Variants in STK32B observed in about 807,000 individuals in gnomAD.
STK32B encodes serine/threonine kinase 32B, also known as serine/threonine-protein kinase 32B.
A neutral mutation model predicts 52.6 loss-of-function variants in STK32B; 43 were observed. That is an observed-to-expected ratio of 0.82 (90% CI 0.64 to 1.05). STK32B has a LOEUF of 1.05. Among genes scored for constraint, STK32B ranks in the 50% least tolerant of loss-of-function variants. The pLI, the probability that STK32B is intolerant of heterozygous loss-of-function variation, is 0.00. For synonymous variants in STK32B, 238 were observed against 204.3 expected (o/e 1.17, Z -1.41); for missense variants, 621 against 534.6 (o/e 1.16, Z -1.59).
intron 2 of STK32B, among the ~76,000 whole-genome samples, chr4:5,149,772 G>T (rs1213925921): frequency 1.3e-5 from 2 of 151,658 alleles, no homozygotes; most frequent in Non-Finnish European, 3.0e-5. Flanking sequence ...TTAGGTGTAA[G>T]ATTTTGCTGT....
Position 5,456,837 on chromosome 4 carries a change from A to G in STK32B, c.697A>G (p.Ile233Val), listed in dbSNP as rs200308383. The G allele has an allele frequency of 5.8e-5, 92 of 1,596,978 alleles. No individual in the cohort carries two copies. The highest frequency in any genetic ancestry group is 5.6e-4 in the South Asian group (49 of 87,548). ...GTACGAAATCCACTCGGTCACGCCC[A>G]TCGATGAAATCCTCAACATGTTCAA... ...RPYEIHSVTP[I>V]DEILNMFKVE... Residue 233 changes from isoleucine (I) to valine (V), a missense_variant, in exon 8 of 12, where the codon ATC becomes GTC. Coordinates refer to ENST00000282908, the MANE Select transcript of STK32B (RefSeq NM_018401.3).
intron 5 of STK32B, among the ~76,000 whole-genome samples, chr4:5,412,183 A>G (rs978781642): frequency 2.0e-5 from 3 of 152,142 alleles, no homozygotes; most frequent in African/African-American, 7.2e-5. Context: ...ATTTGTATTA[A>G]TGGGTCATAC....
chr4:5,159,605 A>G (rs1718205147), intron 2 of STK32B, among the ~76,000 whole-genome samples: 2 of 107,504 alleles, frequency 1.9e-5, no homozygotes, highest in African/African-American at 9.5e-5. Flanking sequence ...ATGAATATAT[A>G]TATGAATATA....
At chr4:5,241,653 G>C (rs1283274246) in intron 3 of STK32B, among the ~76,000 whole-genome samples, 1 of 151,858 alleles carries the variant, frequency 6.6e-6, no homozygotes, top group Non-Finnish European at 1.5e-5. Context: ...GTATACATGT[G>C]CCATGTTGGT....
At chr4:5,159,422 C>T (rs1718140560) in intron 2 of STK32B, among the ~76,000 whole-genome samples, 1 of 149,074 alleles carries the variant, frequency 6.7e-6, no homozygotes, top group Non-Finnish European at 1.5e-5. Flanking sequence ...TCGAGGTTCT[C>T]TAGTGAAACA....
chr4:5,382,529 A>C (rs10937641), intron 4 of STK32B, among the ~76,000 whole-genome samples: 1 of 151,532 alleles, frequency 6.6e-6, no homozygotes, highest in African/African-American at 2.4e-5. Flanking sequence ...GGAGATGTGA[A>C]AAGGTCCCCT....
intron 1 of STK32B, among the ~76,000 whole-genome samples, chr4:5,069,267 A>G (rs947420339): frequency 2.1e-5 from 3 of 143,882 alleles, no homozygotes; most frequent in Non-Finnish European, 4.5e-5. Flanking sequence ...ATCTCGGCTC[A>G]CTGCAAACTC....
At chr4:5,095,597 A>C (rs1713345253) in intron 1 of STK32B, among the ~76,000 whole-genome samples, 1 of 152,248 alleles carries the variant, frequency 6.6e-6, no homozygotes, top group Non-Finnish European at 1.5e-5. Context: ...CCTGGGTGAC[A>C]CAGCTTGACT....
At chr4:5,283,637 A>G (rs1728351200) in intron 3 of STK32B, among the ~76,000 whole-genome samples, 1 of 152,206 alleles carries the variant, frequency 6.6e-6, no homozygotes, top group Non-Finnish European at 1.5e-5. Flanking sequence ...GATGGCTTTC[A>G]ACAGATTTCT....
At chr4:5,191,995 C>T (rs1467032157) in intron 3 of STK32B, among the ~76,000 whole-genome samples, 1 of 152,202 alleles carries the variant, frequency 6.6e-6, no homozygotes, top group Non-Finnish European at 1.5e-5. Flanking sequence ...AGAGGCTGCA[C>T]AGTGCCTCAG....
chr4:5,366,852 G>A (rs1016461282), intron 4 of STK32B, among the ~76,000 whole-genome samples: 8 of 152,138 alleles, frequency 5.3e-5, no homozygotes, highest in African/African-American at 1.9e-4. Context: ...GTGTGTTACA[G>A]GGTTCTACTG....
intron 3 of STK32B, among the ~76,000 whole-genome samples, chr4:5,223,633 G>A (rs1577211376): frequency 1.3e-5 from 2 of 151,976 alleles, no homozygotes; most frequent in South Asian, 4.2e-4. Context: ...TTAACATGGT[G>A]AAACCCTGTC....
intron 4 of STK32B, among the ~76,000 whole-genome samples, chr4:5,383,398 G>A (rs754084486): frequency 6.6e-6 from 1 of 152,152 alleles, no homozygotes; most frequent in African/African-American, 2.4e-5. Context: ...CTGACCACTG[G>A]AGCTTCATGT....
At position 5,378,284 on chromosome 4, in the gene STK32B, A is replaced by G. The variant is rs1735708204; in HGVS notation, c.435-19923A>G. Reference sequence around the variant, plus strand: ...GAACTGATGAGCGGGGACAAGGATGACAGTCCATGGTAACGGTTTTCACAC... The same window carrying G: ...GAACTGATGAGCGGGGACAAGGATGGCAGTCCATGGTAACGGTTTTCACAC... On this transcript the variant is annotated intron_variant, in intron 4 of 11. Coordinates refer to ENST00000282908, the MANE Select transcript of STK32B (RefSeq NM_018401.3). The surrounding 1 kb of genome is among the most constrained non-coding windows in gnomAD (Gnocchi z 4.4). 6.6e-6 allele frequency among the ~76,000 whole-genome samples: 1 copy of G among 152,190 alleles called. No individual in the cohort carries two copies. Among genetic ancestry groups the G allele is most frequent in the Non-Finnish European group, 1.5e-5 (1 of 68,028 alleles).
At chr4:5,132,152 A>G (rs1336595189) in intron 1 of STK32B, among the ~76,000 whole-genome samples, 1 of 151,902 alleles carries the variant, frequency 6.6e-6, no homozygotes, top group Admixed American at 6.6e-5. Context: ...TATGTACCAT[A>G]TTTTCTTTAT....
In STK32B at chr4:5,315,042, A is replaced by G. The variant is rs376347715; in HGVS notation, c.261-16178A>G. Among the ~76,000 whole-genome samples the G allele has an allele frequency of 1.6e-4, 24 of 152,166 alleles. 1 individual carries two copies. Among genetic ancestry groups the G allele is most frequent in the East Asian group, 5.8e-4 (3 of 5,186 alleles). On this transcript the variant is annotated intron_variant, in intron 3 of 11. Transcript: ENST00000282908. The stretch of plus-strand genomic sequence containing the variant: ...TGTGAAGAGGATTAAAAGACAAGCT[A>G]CAGAGGAGAAGAAAATATTTGCAAA...
chr4:5,481,428 T>C (rs1321379701), intron 11 of STK32B, among the ~76,000 whole-genome samples: 7 of 152,090 alleles, frequency 4.6e-5, no homozygotes, highest in African/African-American at 1.7e-4. Context: ...TTTGATAGGG[T>C]TGTTTGTTTT....
chr4:5,029,576 A>G, the STK32B span, among the ~76,000 whole-genome samples: 1 of 152,226 alleles, frequency 6.6e-6, no homozygotes, highest in East Asian at 1.9e-4. Flanking sequence ...ACAATCTGAC[A>G]CAACCAGGAA....
intron 3 of STK32B, among the ~76,000 whole-genome samples, chr4:5,290,292 A>T (rs10012306): frequency 3.3e-5 from 5 of 151,426 alleles, no homozygotes; most frequent in Non-Finnish European, 5.9e-5. Context: ...AATATTTTAA[A>T]TTTTTTGACT....
Sources: gnomAD v4.1 joint callset for allele counts (sites outside exome capture counted in the v4.1 genomes callset) on GRCh38, gnomAD v4.1.1 for gene constraint, Gnocchi (gnomAD v3.1) non-coding constraint, MANE v1.5 for transcripts, NCBI Gene and HGNC (gene_info 2026-07-23, HGNC 2026-07-21) for gene names.